The following GYS1 variants were observed in gnomAD, a reference collection of about 807,000 sequenced individuals.
The protein encoded by GYS1 is glycogen synthase 1.
A neutral mutation model predicts 89.1 loss-of-function variants in GYS1; 60 were observed. The observed-to-expected ratio is 0.67, with a 90% CI of 0.55 to 0.84. The LOEUF (loss-of-function observed/expected upper bound fraction) is 0.84, where lower values mean the gene tolerates loss of function less well. Among genes scored for constraint, GYS1 ranks in the 40% least tolerant of loss-of-function variants. The probability of loss-of-function intolerance (pLI) is 0.00; values close to 1 mark genes in which losing one functional copy is unlikely to be tolerated. For synonymous variants in GYS1, 366 were observed against 401.7 expected, an observed-to-expected ratio of 0.91 and a Z score of 1.06; for missense variants, 888 against 1,003.1, an observed-to-expected ratio of 0.89 and a Z score of 1.55.
intron 2 of GYS1, among the ~76,000 whole-genome samples, chr19:48,989,987 T>C (rs2038897638): frequency 8.9e-6 from 1 of 112,186 alleles, no homozygotes; most frequent in Non-Finnish European, 1.8e-5. Flanking sequence ...AGCTGTTGTC[T>C]GCCCTTTTGC....
Position 48,987,184 on chromosome 19 carries a change from CG to C in GYS1, c.492+9del. ...TCAGGTATGGGTGGAATGTGTCAGACGGGGCCTACCTCACCCAGGAACCAGG... is the reference window on the plus strand; with the variant it reads ...TCAGGTATGGGTGGAATGTGTCAGACGGGCCTACCTCACCCAGGAACCAGG... On this transcript the variant is annotated intron_variant, in intron 3 of 15. Transcript: ENST00000323798. 6.3e-7 allele frequency: 1 copy of C among 1,597,614 alleles called. No individual in the cohort carries two copies. Among genetic ancestry groups the C allele is most frequent in the African/African-American group, 1.3e-5 (1 of 74,676 alleles).
chr19:48,989,305 A>C (rs1298715735), intron 2 of GYS1, among the ~76,000 whole-genome samples: 1 of 151,228 alleles, frequency 6.6e-6, no homozygotes, highest in Non-Finnish European at 1.5e-5. Context: ...AACATGGTGA[A>C]ACCCTGTCTC....
In GYS1 at chr19:48,978,085, G is replaced by T. The variant is rs1298958469; in HGVS notation, c.1229+13C>A. The stretch of plus-strand genomic sequence containing the variant: ...GGCCTAGGAGGGCACAGGGCTGAGG[G>T]TGGGGCACTCACACCAGTAAGGATT... On this transcript the variant is annotated intron_variant, in intron 9 of 15. Transcript: ENST00000323798. The T allele has an allele frequency of 6.2e-7, 1 of 1,612,690 alleles. No individual in the cohort carries two copies. Among genetic ancestry groups the T allele is most frequent in the Non-Finnish European group, 8.5e-7 (1 of 1,178,722 alleles).
chr19:48,969,792 G>T lies in GYS1; in HGVS notation c.1873C>A (p.Pro625Thr), dbSNP rs1024503792. ...KAFPEHFTYEPNEADAAQGYR... is the reference protein window; with the variant it reads ...KAFPEHFTYETNEADAAQGYR... Reference sequence around the variant, plus strand: ...CCACTCACCGCATCCGCCTCGTTGGGCTCGTAGGTGAAGTGCTCTGGAAAG... The same window carrying T: ...CCACTCACCGCATCCGCCTCGTTGGTCTCGTAGGTGAAGTGCTCTGGAAAG... Residue 625 changes from proline to threonine, a missense_variant, in exon 15 of 16, where the codon CCC becomes ACC. Pro to Thr is a conservative substitution (Grantham distance 38, BLOSUM62 -1). Coordinates refer to ENST00000323798, the MANE Select transcript of GYS1 (RefSeq NM_002103.5). 2 of 1,613,922 alleles carry T rather than the reference G, an allele frequency of 1.2e-6. No individual in the cohort carries two copies. Among genetic ancestry groups the T allele is most frequent in the Non-Finnish European group, 1.7e-6 (2 of 1,179,896 alleles).
intron 2 of GYS1, 135 bp from the exon 3 acceptor site, chr19:48,987,520 A>G: frequency 1.6e-6 from 1 of 633,992 alleles, no homozygotes. Context: ...CTGTTTCCAT[A>G]TCTGCTGCTA....
chr19:48,990,012 G>GGGA (rs1555800170), intron 2 of GYS1, among the ~76,000 whole-genome samples: 1 of 150,568 alleles, frequency 6.6e-6, no homozygotes, highest in African/African-American at 2.5e-5. Context: ...GGGGGGGGGG[G>GGGA]GCTATTCTTA....
Position 48,989,481 on chromosome 19 carries a change from GA to G in GYS1, c.300+1820del, listed in dbSNP as rs35555946. ...TCAGCGACAGAGTGAGATTCTATCT[GA>G]AAAAAAAAAAAAAAAAATTATGGCT... On this transcript the variant is annotated intron_variant, in intron 2 of 15. Coordinates refer to ENST00000323798, the MANE Select transcript of GYS1 (RefSeq NM_002103.5). Among the ~76,000 whole-genome samples, 212 of 127,842 alleles carry G rather than the reference GA, an allele frequency of 1.7e-3. 1 individual carries two copies. The highest frequency in any genetic ancestry group is 2.7e-3 in the Admixed American group (33 of 12,414). 83.9% of individuals were successfully genotyped at this position (127,842 alleles called of 152,430 possible).
At position 48,982,854 on chromosome 19, in the gene GYS1, G is replaced by T; in HGVS notation, c.824-17C>A. ...TCACAATATCTGGGATTGGGGGTGA[G>T]GGTCCCATGTTTTATTTGTTCATTC... On this transcript the variant is annotated splice_polypyrimidine_tract_variant and intron_variant, in intron 5 of 15. Transcript: ENST00000323798. 7.1e-7 allele frequency: 1 copy of T among 1,416,624 alleles called. No individual in the cohort carries two copies. Among genetic ancestry groups the T allele is most frequent in the Non-Finnish European group, 1.0e-6 (1 of 999,626 alleles). 87.8% of individuals were successfully genotyped at this position (1,416,624 alleles called of 1,614,324 possible). A position where few individuals can be genotyped will look rare whatever the true frequency, so the allele number is the denominator to read the frequency against.
At chr19:48,975,079 T>C (rs537957249) in intron 10 of GYS1, among the ~76,000 whole-genome samples, 6 of 152,038 alleles carry the variant, frequency 3.9e-5, no homozygotes, top group African/African-American at 1.2e-4. Context: ...TACAGGCGCC[T>C]ACCACCACGC....
chr19:48,969,356 A>G lies in GYS1; in HGVS notation c.2146T>C (p.Ser716Pro), dbSNP rs1456789682. ...SKRNSVDTAT[S>P]SSLSTPSEPL... ...TCGCTCGGGGTGCTGAGTGAGCTGG[A>G]GGTGGCCGTGTCCACAGAGTTGCGC... is the stretch of plus-strand genomic sequence containing the variant. The change falls in exon 16 of 16, where the codon TCC (serine) becomes CCC (proline). Residue 716 changes from serine to proline, a missense_variant. Transcript: ENST00000323798. The G allele has an allele frequency of 1.9e-6, 3 of 1,584,946 alleles. No homozygotes were observed. Among genetic ancestry groups the G allele is most frequent in the Non-Finnish European group, 2.6e-6 (3 of 1,170,924 alleles).
chr19:48,984,405 T>TA lies in GYS1; in HGVS notation c.823+1055dup, dbSNP rs397737748. ...TGAGATATTCAACACTTTTTTTTTT[T>TA]AATTTTTTGAGATGGAGTCTCGCTC... On this transcript the variant is annotated intron_variant, in intron 5 of 15. Transcript: ENST00000323798. 1.6e-4 allele frequency among the ~76,000 whole-genome samples: 24 copies of TA among 150,924 alleles called. No individual in the cohort carries two copies. The South Asian group carries it at 2.5e-3, about 16-fold the overall frequency.
chr19:48,969,178 C>T lies in GYS1; in HGVS notation c.*110G>A, dbSNP rs1008518917. On this transcript the variant is annotated 3_prime_UTR_variant, in exon 16 of 16. Transcript: ENST00000323798. ...TTTGGCGGACTGGGTGGGGGCACTG[C>T]GGGGCCACACCCAGTGCAGATCTGG... 23 of 1,002,012 alleles carry T rather than the reference C, an allele frequency of 2.3e-5. No homozygotes were observed. The highest frequency in any genetic ancestry group is 3.2e-5 in the Non-Finnish European group (22 of 689,692). 62.1% of individuals were successfully genotyped at this position (1,002,012 alleles called of 1,614,324 possible). A position where few individuals can be genotyped will look rare whatever the true frequency, so the allele number is the denominator to read the frequency against.
At position 48,991,401 on chromosome 19, in the gene GYS1, C is replaced by T. The variant is rs140201404; in HGVS notation, c.201G>A (p.Pro67=). Residue 67 remains proline, a synonymous_variant, in exon 2 of 16, where the codon CCG becomes CCA. Transcript: ENST00000323798. This position sits in a 1 kb window ranked among gnomAD's most constrained non-coding sequence, Gnocchi z 4.7. ...GGGTCCTCACGCCCTGCTCCGTGTA[C>T]GGCCCCACCAGGAAGTAGTTGTCGC... The part of the protein sequence containing the change: ...EWGDNYFLVG[P]YTEQGVRTQV... 32 of 1,614,008 alleles carry T rather than the reference C, an allele frequency of 2.0e-5. No individual in the cohort carries two copies. The African/African-American group carries it at 2.5e-4, about 13-fold the overall frequency.
rs371504144 is a variant in GYS1 at position 48,975,271 on chromosome 19, A to G, written c.1309-538T>C. Among the ~76,000 whole-genome samples the G allele has an allele frequency of 1.0e-3, 140 of 139,002 alleles. 7 individuals carry two copies. The South Asian group carries it at 0.031, about 30-fold the overall frequency. 91.2% of individuals were successfully genotyped at this position (139,002 alleles called of 152,430 possible). On this transcript the variant is annotated intron_variant, in intron 10 of 15. Transcript: ENST00000323798. ...TTTTTTTTAATAGAGATGGGGTTTC[A>G]CTATGTTGGCCAAGTTGGTCTCGAA...
chr19:48,971,119 G>T, intron 12 of GYS1, 96 bp from the exon 13 acceptor site: 1 of 848,408 alleles, frequency 1.2e-6, no homozygotes, highest in Non-Finnish European at 2.0e-6. Context: ...ACTGGCGCCT[G>T]TACCAAGTGC....
chr19:48,989,406 C>G (rs891392913), intron 2 of GYS1, among the ~76,000 whole-genome samples: 2 of 146,254 alleles, frequency 1.4e-5, no homozygotes, highest in Non-Finnish European at 3.0e-5. Flanking sequence ...TGCTTGAACG[C>G]GGGAGGCGGA....
chr19:48,973,124 G>C (rs2038590924), intron 12 of GYS1, among the ~76,000 whole-genome samples: 1 of 152,162 alleles, frequency 6.6e-6, no homozygotes. Context: ...CTGTTCTCAT[G>C]ATAGTGAGTG....
intron 2 of GYS1, among the ~76,000 whole-genome samples, chr19:48,988,037 T>C (rs10424216): frequency 0.71 from 108,674 of 152,074 alleles, 40,246 homozygotes; most frequent in African/African-American, 0.93. Context: ...TTCCCGACCT[T>C]GTGATCCGCC....
chr19:48,977,843 CTG>C (rs1158712597), intron 10 of GYS1, 79 bp downstream of exon 10: 10 of 1,022,922 alleles, frequency 9.8e-6, no homozygotes, highest in Non-Finnish European at 1.6e-5. Flanking sequence ...CCAGCAATCT[CTG>C]GGGTCTGAGC....
Sources: allele counts gnomAD v4.1 joint callset (sites outside exome capture counted in the v4.1 genomes callset), GRCh38; gene constraint gnomAD v4.1.1; non-coding constraint Gnocchi (gnomAD v3.1); transcripts MANE v1.5; gene names NCBI Gene and HGNC (gene_info 2026-07-23, HGNC 2026-07-21).